The following C10orf90 variants were observed in gnomAD, a reference collection of about 807,000 sequenced individuals.
C10orf90 encodes the protein chromosome 10 open reading frame 90, also known as (E2-independent) E3 ubiquitin-conjugating enzyme FATS.
A neutral mutation model predicts 62.5 loss-of-function variants in C10orf90; 56 were observed. The ratio of observed to expected loss-of-function variants is 0.90; its 90% CI spans 0.72 to 1.12. C10orf90 has a LOEUF of 1.12. Among genes scored for constraint, C10orf90 ranks in the 50% most tolerant of loss-of-function variants. The probability of loss-of-function intolerance (pLI) is 0.00; values close to 1 mark genes in which losing one functional copy is unlikely to be tolerated. For missense variants in C10orf90, 970 were observed against 880.4 expected, an observed-to-expected ratio of 1.10 and a Z score of -1.29; for synonymous variants, 386 against 340.4, an observed-to-expected ratio of 1.13 and a Z score of -1.47.
chr10:126,621,430 C>T (rs568933286), intron 2 of C10orf90, among the ~76,000 whole-genome samples: 1 of 152,284 alleles, frequency 6.6e-6, no homozygotes, highest in Admixed American at 6.5e-5. Flanking sequence ...TGTGACCCTT[C>T]ATGTCAGGAA....
intron 2 of C10orf90, among the ~76,000 whole-genome samples, chr10:126,614,799 C>T (rs1845507491): frequency 6.6e-6 from 1 of 152,140 alleles, no homozygotes; most frequent in African/African-American, 2.4e-5. Context: ...AATAAATTTA[C>T]ATATTTGGAT....
intron 3 of C10orf90, among the ~76,000 whole-genome samples, chr10:126,507,669 T>G (rs1489900044): frequency 6.6e-6 from 1 of 152,086 alleles, no homozygotes; most frequent in Non-Finnish European, 1.5e-5. Flanking sequence ...CACCAGCAGT[T>G]GTCAGCCCAG....
chr10:126,471,406 G>C (rs1442031336), intron 4 of C10orf90, among the ~76,000 whole-genome samples: 1 of 152,188 alleles, frequency 6.6e-6, no homozygotes, highest in African/African-American at 2.4e-5. Flanking sequence ...TCTCCCTAAA[G>C]CTGCAGACCT....
chr10:126,561,168 A>G (rs997065036), intron 2 of C10orf90, among the ~76,000 whole-genome samples: 67 of 152,314 alleles, frequency 4.4e-4, no homozygotes, highest in Non-Finnish European at 2.1e-4. Context: ...AGGTACCATA[A>G]CAGCTGGAAA....
chr10:126,477,766 G>A (rs981131187), intron 4 of C10orf90, among the ~76,000 whole-genome samples: 11 of 152,258 alleles, frequency 7.2e-5, no homozygotes, highest in African/African-American at 2.4e-4. Flanking sequence ...TTATATAGTT[G>A]AGTCACTTTT....
chr10:126,511,349 A>G (rs1364401536), intron 3 of C10orf90, among the ~76,000 whole-genome samples: 1 of 152,136 alleles, frequency 6.6e-6, no homozygotes, highest in East Asian at 1.9e-4. Flanking sequence ...TCTTCCCCCA[A>G]TTTTTAACTT....
At chr10:126,658,804 C>T (rs992465068) in intron 1 of C10orf90, among the ~76,000 whole-genome samples, 6 of 152,178 alleles carry the variant, frequency 3.9e-5, no homozygotes, top group Middle Eastern at 3.4e-3. Flanking sequence ...ACTATGTTGC[C>T]CAGGCTAGTC....
intron 8 of C10orf90, 134 bp from the exon 9 acceptor site, chr10:126,426,224 T>C (rs1044341296): frequency 4.1e-6 from 3 of 725,148 alleles, no homozygotes; most frequent in South Asian, 3.5e-5. Context: ...CTCACAACTG[T>C]AGGATGCCAG....
chr10:126,601,186 C>A (rs2134041032), intron 2 of C10orf90, among the ~76,000 whole-genome samples: 1 of 152,190 alleles, frequency 6.6e-6, no homozygotes, highest in South Asian at 2.1e-4. Context: ...CCCGGGTCAC[C>A]AGGGGTAGGG....
chr10:126,442,262 C>T (rs1267038321), intron 7 of C10orf90, among the ~76,000 whole-genome samples: 3 of 151,004 alleles, frequency 2.0e-5, no homozygotes, highest in Admixed American at 6.6e-5. Context: ...GCTATTCTTA[C>T]ATCAGACAAA....
intron 2 of C10orf90, among the ~76,000 whole-genome samples, chr10:126,645,041 C>T (rs902760589): frequency 1.1e-4 from 17 of 151,110 alleles, no homozygotes; most frequent in African/African-American, 4.1e-4. Flanking sequence ...TATTCTCACT[C>T]ATAGGTGGGA....
intron 7 of C10orf90, among the ~76,000 whole-genome samples, chr10:126,458,176 G>C (rs2134097868): frequency 6.6e-6 from 1 of 152,236 alleles, no homozygotes; most frequent in Admixed American, 6.5e-5. Flanking sequence ...TAAGATCTTG[G>C]TAATGTTTGC....
intron 2 of C10orf90, among the ~76,000 whole-genome samples, chr10:126,628,535 G>C (rs1257707371): frequency 6.6e-6 from 1 of 152,152 alleles, no homozygotes. Flanking sequence ...TTGAGGTCTG[G>C]TGGTCACTGG....
rs564348927 is a variant in C10orf90 at position 126,514,827 on chromosome 10, A to G, written c.314-888T>C. On this transcript the variant is annotated intron_variant, in intron 2 of 9. Transcript: ENST00000488181. ...AAAAGTGACCTTTGTCAGGTCGCTA[A>G]TGTAGAAACGTGAACCAAACACAGG... 6.6e-5 allele frequency among the ~76,000 whole-genome samples: 10 copies of G among 151,698 alleles called. No individual in the cohort carries two copies. In the South Asian group the frequency reaches 2.1e-3, roughly 32 times the overall value.
intron 4 of C10orf90, among the ~76,000 whole-genome samples, chr10:126,486,364 CAGAT>C (rs576902110): frequency 6.6e-6 from 1 of 152,066 alleles, no homozygotes; most frequent in Non-Finnish European, 1.5e-5. Context: ...AAAATTTTCA[CAGAT>C]AAAGTCCCAA....
chr10:126,436,488 G>T lies in C10orf90; in HGVS notation c.2189-6638C>A, dbSNP rs138516469. Among the ~76,000 whole-genome samples the T allele has an allele frequency of 2.9e-3, 442 of 152,196 alleles. 1 individual carries two copies. Among genetic ancestry groups the T allele is most frequent in the African/African-American group, 0.01 (420 of 41,522 alleles). On this transcript the variant is annotated intron_variant, in intron 7 of 9. Transcript: ENST00000488181. ...CATCATACTTTTATGATGTATATAT[G>T]ATGATTTCTTTGGCTTGCCTGAGCC...
chr10:126,539,318 G>A (rs1269556943), intron 2 of C10orf90, among the ~76,000 whole-genome samples: 1 of 152,200 alleles, frequency 6.6e-6, no homozygotes, highest in Non-Finnish European at 1.5e-5. Context: ...GACAGGTGAA[G>A]GTGAATTTAT....
chr10:126,614,351 A>G (rs1845498060), intron 2 of C10orf90, among the ~76,000 whole-genome samples: 1 of 152,202 alleles, frequency 6.6e-6, no homozygotes, highest in Non-Finnish European at 1.5e-5. Context: ...GAATAAAAAC[A>G]TTCAAAGGGA....
At chr10:126,607,826 A>C (rs1215493419) in intron 2 of C10orf90, among the ~76,000 whole-genome samples, 1 of 152,198 alleles carries the variant, frequency 6.6e-6, no homozygotes, top group Non-Finnish European at 1.5e-5. Context: ...TTTCATATTC[A>C]CCTCATAACT....
Sources: allele counts gnomAD v4.1 joint callset (sites outside exome capture counted in the v4.1 genomes callset), GRCh38; gene constraint gnomAD v4.1.1; transcripts MANE v1.5; gene names NCBI Gene and HGNC (gene_info 2026-07-23, HGNC 2026-07-21).